BCKDK: variants seen among roughly 807,000 people sequenced by gnomAD.
BCKDK encodes the protein branched-chain alpha-ketoacid dehydrogenase kinase.
In BCKDK, 28 loss-of-function variants were observed where a neutral mutation model predicts 43.9. The observed-to-expected ratio is 0.64, with a 90% CI of 0.47 to 0.87. The LOEUF is 0.87. Ranked by LOEUF, BCKDK falls within the 40% of genes least tolerant of loss-of-function variation. BCKDK has a pLI of 0.00. For synonymous variants in BCKDK, 257 were observed against 234.3 expected (o/e 1.10, Z -0.88); for missense variants, 483 against 581.4 (o/e 0.83, Z 1.74).
Position 31,111,128 on chromosome 16 carries a change from G to A in BCKDK, c.754G>A (p.Val252Ile), listed in dbSNP as rs1423289877. Residue 252 changes from valine to isoleucine, a missense_variant, in exon 9 of 12, where the codon GTC (valine) becomes ATC (isoleucine). Transcript: ENST00000219794. ...CEHKYGNAPRVRINGHVAARF... is the reference protein window; with the variant it reads ...CEHKYGNAPRIRINGHVAARF... The stretch of plus-strand genomic sequence containing the variant: ...GCACAAGTATGGCAATGCGCCCCGT[G>A]TCCGCATCAATGGCCATGTGGCTGC... 1 of 1,614,032 alleles carries A rather than the reference G, an allele frequency of 6.2e-7. No individual in the cohort carries two copies. Among genetic ancestry groups the A allele is most frequent in the African/African-American group, 1.3e-5 (1 of 74,918 alleles).
At chr16:31,111,004 CAT>C (rs1236158969) in intron 8 of BCKDK, 85 bp from the exon 9 acceptor site, 12 of 1,573,766 alleles carry the variant, frequency 7.6e-6, no homozygotes, top group Non-Finnish European at 9.5e-6. Flanking sequence ...TGCACATTGC[CAT>C]ATGTTACTTA....
rs1466735674 is a variant in BCKDK, at chr16:31,109,167, C to T, written c.-57C>T. On this transcript the variant is annotated 5_prime_UTR_variant, in exon 2 of 12. Coordinates refer to ENST00000219794, the MANE Select transcript of BCKDK (RefSeq NM_005881.4). This position sits in a 1 kb window ranked among gnomAD's most constrained non-coding sequence, Gnocchi z 5.3. ...TGCCCCATTTTGGGTCGCCTGGGTC[C>T]TCAGTCCTAGCGGATCCTCAGTCCT... The T allele has an allele frequency of 1.4e-6, 2 of 1,432,138 alleles. No homozygotes were observed. Among genetic ancestry groups the T allele is most frequent in the South Asian group, 1.5e-5 (1 of 65,902 alleles). The allele number at this position is 1,432,138 out of a possible 1,614,324, so 88.7% of individuals were successfully genotyped here.
downstream of BCKDK, among the ~76,000 whole-genome samples, chr16:31,115,105 TAG>T (rs1260598706): frequency 1.3e-5 from 2 of 151,566 alleles, no homozygotes; most frequent in Non-Finnish European, 2.9e-5. Context: ...GTATTTTCAG[TAG>T]AGACGGGGTT....
rs750619171 is a variant in BCKDK at position 31,111,097 on chromosome 16, G to A, written c.723G>A (p.Leu241=). 3.7e-6 allele frequency: 6 copies of A among 1,614,116 alleles called. No individual in the cohort carries two copies. The highest frequency in any genetic ancestry group is 5.1e-6 in the Non-Finnish European group (6 of 1,180,010). The stretch of plus-strand genomic sequence containing the variant: ...CCCTCGCTCCTATCCGCAGACGCCT[G>A]TGTGAGCACAAGTATGGCAATGCGC... ...IEKWVDFARR[L]CEHKYGNAPR... The change falls in exon 9 of 12, where the codon CTG becomes CTA. Residue 241 remains leucine, a synonymous_variant. Transcript: ENST00000219794.
At chr16:31,111,246 G>A (rs778389231) in intron 9 of BCKDK, 27 bp downstream of exon 9, 10 of 1,614,114 alleles carry the variant, frequency 6.2e-6, no homozygotes, top group South Asian at 1.1e-5. Context: ...TGCTGGCTTG[G>A]GGGCGGACAG....
downstream of BCKDK, among the ~76,000 whole-genome samples, chr16:31,114,894 T>C (rs2057437777): frequency 6.6e-6 from 1 of 152,192 alleles, no homozygotes; most frequent in Non-Finnish European, 1.5e-5. Context: ...TTTCCTTTCC[T>C]TTCCTTTTCT....
rs1366114139 is a variant in BCKDK at position 31,112,402 on chromosome 16, A to G, written c.*137A>G. The G allele has an allele frequency of 7.2e-7, 1 of 1,380,546 alleles. No homozygotes were observed. Among genetic ancestry groups the G allele is most frequent in the Non-Finnish European group, 1.0e-6 (1 of 999,918 alleles). 85.5% of individuals were successfully genotyped at this position (1,380,546 alleles called of 1,614,324 possible). On this transcript the variant is annotated 3_prime_UTR_variant, in exon 12 of 12. Transcript: ENST00000219794. This position sits in a 1 kb window ranked among gnomAD's most constrained non-coding sequence, Gnocchi z 5.0. Reference sequence around the variant, plus strand: ...CAGGGACCCAGACAGATGGACTTACATGGAGCTGGGCACTGCCCTGCCTCA... The same window carrying G: ...CAGGGACCCAGACAGATGGACTTACGTGGAGCTGGGCACTGCCCTGCCTCA...
chr16:31,110,039 C>T lies in BCKDK; in HGVS notation c.376-38C>T. The T allele has an allele frequency of 6.2e-7, 1 of 1,613,950 alleles. No individual in the cohort carries two copies. Among genetic ancestry groups the T allele is most frequent in the South Asian group, 1.1e-5 (1 of 91,080 alleles). ...GGGTGGCTGTTCTCTGCTCAGTGCC[C>T]ATGCGGCTTTGTGAATTCCCACACC... On this transcript the variant is annotated intron_variant, in intron 4 of 11. Coordinates refer to ENST00000219794, the MANE Select transcript of BCKDK (RefSeq NM_005881.4). The surrounding 1 kb of genome is among the most constrained non-coding windows in gnomAD (Gnocchi z 5.4).
rs762774063 is a variant in BCKDK at position 31,110,297 on chromosome 16, C to A, written c.516C>A (p.Gly172=). The change falls in exon 6 of 12, where the codon GGC becomes GGA. Residue 172 remains glycine (G), a synonymous_variant. Coordinates refer to ENST00000219794, the MANE Select transcript of BCKDK (RefSeq NM_005881.4). The surrounding 1 kb of genome is among the most constrained non-coding windows in gnomAD (Gnocchi z 5.4). ...ATGTGGTGACCCTCTTGGCAGAGGG[C>A]CTACGTGAGAGCCGGAAGCACATAG... ...HKDVVTLLAE[G]LRESRKHIED... is the part of the protein sequence containing the mutation. 5.0e-6 allele frequency: 8 copies of A among 1,613,966 alleles called. No individual in the cohort carries two copies. The Admixed American group carries it at 1.2e-4, about 24-fold the overall frequency.
At position 31,109,223 on chromosome 16, in the gene BCKDK, G is replaced by A; in HGVS notation, c.-1G>A. The A allele has an allele frequency of 2.0e-6, 3 of 1,511,560 alleles. No individual in the cohort carries two copies. Among genetic ancestry groups the A allele is most frequent in the East Asian group, 2.3e-5 (1 of 43,820 alleles). 93.6% of individuals were successfully genotyped at this position (1,511,560 alleles called of 1,614,324 possible). ...CCACCGGGTCTGAAAGGAGCAAGAC[G>A]ATGATCCTGGCGTCGGTGCTGAGGA... On this transcript the variant is annotated 5_prime_UTR_variant, in exon 2 of 12. Coordinates refer to ENST00000219794, the MANE Select transcript of BCKDK (RefSeq NM_005881.4). The surrounding 1 kb of genome is among the most constrained non-coding windows in gnomAD (Gnocchi z 5.3).
chr16:31,111,511 C>T, intron 10 of BCKDK, 122 bp downstream of exon 10: 1 of 1,113,858 alleles, frequency 9.0e-7, no homozygotes, highest in Non-Finnish European at 1.3e-6. Context: ...CCTGACCAGA[C>T]AAACTATTCT....
chr16:31,113,461 A>G (rs1462810465), downstream of BCKDK, among the ~76,000 whole-genome samples: 2 of 152,140 alleles, frequency 1.3e-5, no homozygotes, highest in African/African-American at 2.4e-5. Context: ...ATTTATCTTG[A>G]GCCATAGGGA....
intron 10 of BCKDK, 21 bp downstream of exon 10, chr16:31,111,410 G>A (rs774848215): frequency 1.9e-6 from 3 of 1,610,098 alleles, no homozygotes; most frequent in Admixed American, 3.3e-5. Flanking sequence ...AGTGGGAGTT[G>A]AGCTGAGGTG....
At position 31,111,949 on chromosome 16, in the gene BCKDK, G is replaced by A; in HGVS notation, c.1016G>A (p.Ser339Asn). Residue 339 changes from serine (S) to asparagine (N), a missense_variant, in exon 11 of 12, where the codon AGC (serine) becomes AAC (asparagine). Coordinates refer to ENST00000219794, the MANE Select transcript of BCKDK (RefSeq NM_005881.4). ...MDYHFTTAEASTQDPRISPLF... is the reference protein window; with the variant it reads ...MDYHFTTAEANTQDPRISPLF... ...TACCACTTCACTACTGCTGAGGCCA[G>A]CACACAGGACCCCCGGATCAGCCCC... The A allele has an allele frequency of 6.2e-7, 1 of 1,614,156 alleles. No homozygotes were observed. The highest frequency in any genetic ancestry group is 8.5e-7 in the Non-Finnish European group (1 of 1,180,032).
rs1209139433 is a variant in BCKDK at position 31,109,299 on chromosome 16, G to A, written c.76G>A (p.Ala26Thr). 5 of 1,604,968 alleles carry A rather than the reference G, an allele frequency of 3.1e-6. No homozygotes were observed. The highest frequency in any genetic ancestry group is 3.4e-6 in the Non-Finnish European group (4 of 1,175,768). Residue 26 changes from alanine to threonine, a missense_variant, in exon 2 of 12, where the codon GCG becomes ACG. Ala to Thr is a moderately conservative substitution (Grantham distance 58). Coordinates refer to ENST00000219794, the MANE Select transcript of BCKDK (RefSeq NM_005881.4). This position sits in a 1 kb window ranked among gnomAD's most constrained non-coding sequence, Gnocchi z 5.3. The stretch of plus-strand genomic sequence containing the variant: ...CCGGCCCCTCCTGGGACCCGCACTC[G>A]CGCTCCGGGCCCGCTCGACGTCGGC... ...PLRPLLGPAL[A>T]LRARSTSATD...
Position 31,112,080 on chromosome 16 carries a change from G to A in BCKDK, c.1095-41G>A, listed in dbSNP as rs1332363147. ...GGGTGGGGGACCCCAGGAGACTCAA[G>A]CCTCTGAAGCCTCCTGTCCTGTCCC... On this transcript the variant is annotated intron_variant, in intron 11 of 11. Coordinates refer to ENST00000219794, the MANE Select transcript of BCKDK (RefSeq NM_005881.4). The surrounding 1 kb of genome is among the most constrained non-coding windows in gnomAD (Gnocchi z 5.0). 2 of 1,609,410 alleles carry A rather than the reference G, an allele frequency of 1.2e-6. No homozygotes were observed. The highest frequency in any genetic ancestry group is 2.7e-5 in the African/African-American group (2 of 74,864).
downstream of BCKDK, among the ~76,000 whole-genome samples, chr16:31,113,986 G>T (rs865887081): frequency 6.6e-6 from 1 of 151,760 alleles, no homozygotes; most frequent in South Asian, 2.1e-4. Flanking sequence ...CTAAACCTCA[G>T]AGTTACTGAT....
At position 31,110,917 on chromosome 16, in the gene BCKDK, C is replaced by T; in HGVS notation, c.716+156C>T. On this transcript the variant is annotated intron_variant, in intron 8 of 11. Coordinates refer to ENST00000219794, the MANE Select transcript of BCKDK (RefSeq NM_005881.4). The surrounding 1 kb of genome is among the most constrained non-coding windows in gnomAD (Gnocchi z 5.4). The stretch of plus-strand genomic sequence containing the variant: ...AGATAATTCTTTGTCACAGGGGCTG[C>T]CCCGTGCACGTTAGGAAGTTCAGCA... 1 of 1,318,924 alleles carries T rather than the reference C, an allele frequency of 7.6e-7. No homozygotes were observed. Among genetic ancestry groups the T allele is most frequent in the Non-Finnish European group, 1.1e-6 (1 of 946,504 alleles). 81.7% of individuals were successfully genotyped at this position (1,318,924 alleles called of 1,614,324 possible). A position where few individuals can be genotyped will look rare whatever the true frequency, so the allele number is the denominator to read the frequency against.
chr16:31,113,559 C>T (rs528639443), downstream of BCKDK, among the ~76,000 whole-genome samples: 25 of 152,254 alleles, frequency 1.6e-4, no homozygotes, highest in South Asian at 5.0e-3. Context: ...TCACTGCAGC[C>T]TTGAACTCCT....
Sources: gnomAD v4.1 joint callset for allele counts (sites outside exome capture counted in the v4.1 genomes callset) on GRCh38, gnomAD v4.1.1 for gene constraint, Gnocchi (gnomAD v3.1) non-coding constraint, MANE v1.5 for transcripts, NCBI Gene and HGNC (gene_info 2026-07-23, HGNC 2026-07-21) for gene names.